MACC1: variants seen among roughly 807,000 people sequenced by gnomAD.
MACC1 encodes the protein metastasis-associated in colon cancer protein 1.
In MACC1, 79 loss-of-function variants were observed where a neutral mutation model predicts 70.7. The observed-to-expected ratio is 1.12, with a 90% CI of 0.93 to 1.35. MACC1 has a LOEUF of 1.35. MACC1 is among the 40% of genes most tolerant of loss of function. The pLI is 0.00. For missense variants in MACC1, 1,106 were observed against 978.1 expected (o/e 1.13, Z -1.74); for synonymous variants, 361 against 347.2 (o/e 1.04, Z -0.44).
chr7:20,179,682 T>TC (rs1782469735), intron 1 of MACC1, among the ~76,000 whole-genome samples: 1 of 151,812 alleles, frequency 6.6e-6, no homozygotes, highest in Non-Finnish European at 1.5e-5. Flanking sequence ...GTTGTTGTTT[T>TC]TTTTGTTTTT....
intron 1 of MACC1, among the ~76,000 whole-genome samples, chr7:20,179,816 A>G (rs374474751): frequency 4.3e-4 from 66 of 152,332 alleles, no homozygotes; most frequent in African/African-American, 1.3e-3. Context: ...TTAAGACTCA[A>G]TCTACTTACT....
chr7:20,172,729 G>A (rs538375791), intron 1 of MACC1, among the ~76,000 whole-genome samples: 53 of 152,174 alleles, frequency 3.5e-4, no homozygotes, highest in African/African-American at 9.9e-4. Context: ...TCACTTAACC[G>A]CCCAAAGTGA....
At position 20,157,282 on chromosome 7, in the gene MACC1, T is replaced by C. The variant is rs114022842; in HGVS notation, c.2157+922A>G. Among the ~76,000 whole-genome samples the C allele has an allele frequency of 7.6e-3, 1,163 of 152,220 alleles. 14 individuals are homozygous for C. Among genetic ancestry groups the C allele is most frequent in the African/African-American group, 0.027 (1,113 of 41,532 alleles). ...CTTGATTTTTTTTATTTTTATAAAATATTGAATTTCTACTTTAAAGGTAAA... is the reference window on the plus strand; with the variant it reads ...CTTGATTTTTTTTATTTTTATAAAACATTGAATTTCTACTTTAAAGGTAAA... On this transcript the variant is annotated intron_variant, in intron 5 of 6. Coordinates refer to ENST00000400331, the MANE Select transcript of MACC1 (RefSeq NM_182762.4).
chr7:20,198,868 A>G (rs745916625), intron 1 of MACC1, among the ~76,000 whole-genome samples: 6 of 152,248 alleles, frequency 3.9e-5, no homozygotes, highest in East Asian at 1.9e-4. Context: ...TGAAGACTCA[A>G]TGAAAAAGAG....
Position 20,145,543 on chromosome 7 carries a change from G to GA in MACC1, c.2347-4386dup, listed in dbSNP as rs202145729. ...GTAGAAAATAGAGGTATTTTAAAAA[G>GA]AAAAAAAATTTTTAAAGTAATATTC... On this transcript the variant is annotated intron_variant, in intron 6 of 6. Coordinates refer to ENST00000400331, the MANE Select transcript of MACC1 (RefSeq NM_182762.4). Among the ~76,000 whole-genome samples the GA allele has an allele frequency of 5.1e-3, 779 of 151,590 alleles. 11 individuals carry two copies. Among genetic ancestry groups the GA allele is most frequent in the African/African-American group, 0.017 (712 of 41,352 alleles).
rs534993344 is a variant in MACC1 at position 20,151,700 on chromosome 7, A to T, written c.2346+2493T>A. On this transcript the variant is annotated intron_variant, in intron 6 of 6. Transcript: ENST00000400331. Reference sequence around the variant, plus strand: ...AGAAAATCTGACAAATTTATTATTAATATACTTCATTTTTTAACCAGCTTG... The same window carrying T: ...AGAAAATCTGACAAATTTATTATTATTATACTTCATTTTTTAACCAGCTTG... 7.2e-5 allele frequency among the ~76,000 whole-genome samples: 11 copies of T among 152,340 alleles called. 1 individual carries two copies. The East Asian group carries it at 2.1e-3, about 29-fold the overall frequency.
intron 6 of MACC1, chr7:20,147,303 C>T (rs977437352): frequency 4.6e-5 from 7 of 152,076 alleles, no homozygotes; most frequent in Non-Finnish European, 1.0e-4. Flanking sequence ...CACTGTATGT[C>T]TTTTTTTAGC....
chr7:20,186,014 T>C lies in MACC1; in HGVS notation c.-217-15236A>G, dbSNP rs1782582803. Among the ~76,000 whole-genome samples the C allele has an allele frequency of 4.7e-5, 7 of 150,242 alleles. No individual in the cohort carries two copies. In the South Asian group the frequency reaches 1.3e-3, roughly 28 times the overall value. The stretch of plus-strand genomic sequence containing the variant: ...TACACACAAAGTCGCATATGGCGAA[T>C]GTCCTTGGACCCTAATGTAGAAAGC... On this transcript the variant is annotated intron_variant, in intron 1 of 6. Coordinates refer to ENST00000400331, the MANE Select transcript of MACC1 (RefSeq NM_182762.4).
At chr7:20,167,280 C>T (rs781567795) in intron 2 of MACC1, among the ~76,000 whole-genome samples, 1 of 151,876 alleles carries the variant, frequency 6.6e-6, no homozygotes, top group Non-Finnish European at 1.5e-5. Context: ...ACTGCAACCT[C>T]CACCTCCCGG....
chr7:20,143,251 G>A (rs1216182780), intron 6 of MACC1, among the ~76,000 whole-genome samples: 1 of 152,190 alleles, frequency 6.6e-6, no homozygotes, highest in Non-Finnish European at 1.5e-5. Flanking sequence ...TGCTGTTGAG[G>A]GCAGGAAATA....
intron 1 of MACC1, among the ~76,000 whole-genome samples, chr7:20,179,685 T>TC: frequency 6.6e-6 from 1 of 151,772 alleles, no homozygotes; most frequent in Admixed American, 6.6e-5. Flanking sequence ...GTTGTTTTTT[T>TC]TGTTTTTTGT....
At chr7:20,173,930 T>G (rs956329185) in intron 1 of MACC1, among the ~76,000 whole-genome samples, 1 of 152,208 alleles carries the variant, frequency 6.6e-6, no homozygotes, top group African/African-American at 2.4e-5. Flanking sequence ...CGTGGACAAC[T>G]GCTTCCTTTG....
rs139016852 is a variant in MACC1 at position 20,211,108 on chromosome 7, T to C, written c.-218+6191A>G. Among the ~76,000 whole-genome samples the C allele has an allele frequency of 2.2e-4, 33 of 152,270 alleles. 1 individual carries two copies. The highest frequency in any genetic ancestry group is 7.5e-4 in the African/African-American group (31 of 41,560). ...AGTTAAGGACTGTAATAATTTGATGTCTCTCTTCTCAGTTTGCTCCCATCT... is the reference window on the plus strand; with the variant it reads ...AGTTAAGGACTGTAATAATTTGATGCCTCTCTTCTCAGTTTGCTCCCATCT... On this transcript the variant is annotated intron_variant, in intron 1 of 6. Transcript: ENST00000400331.
chr7:20,173,319 G>C (rs1026417052), intron 1 of MACC1, among the ~76,000 whole-genome samples: 3 of 152,186 alleles, frequency 2.0e-5, no homozygotes, highest in African/African-American at 7.2e-5. Flanking sequence ...TCGGGACTAT[G>C]TGCTAGACAT....
chr7:20,186,697 T>C (rs1782593468), intron 1 of MACC1, among the ~76,000 whole-genome samples: 1 of 152,050 alleles, frequency 6.6e-6, no homozygotes, highest in Non-Finnish European at 1.5e-5. Flanking sequence ...TTATAAAAGA[T>C]TCCTTAGGGA....
intron 1 of MACC1, among the ~76,000 whole-genome samples, chr7:20,187,238 TA>T (rs1396695554): frequency 6.6e-6 from 1 of 152,164 alleles, no homozygotes; most frequent in East Asian, 1.9e-4. Context: ...TTATTTTACA[TA>T]GAGAGGACAA....
chr7:20,169,779 G>A (rs372668817), intron 2 of MACC1, among the ~76,000 whole-genome samples: 20 of 152,106 alleles, frequency 1.3e-4, no homozygotes, highest in African/African-American at 4.8e-4. Context: ...AACTAAAATA[G>A]GTAATAATTA....
chr7:20,196,282 G>T (rs537128479), intron 1 of MACC1, among the ~76,000 whole-genome samples: 1 of 152,174 alleles, frequency 6.6e-6, no homozygotes, highest in South Asian at 2.1e-4. Flanking sequence ...CTGGGTTCAC[G>T]CCATTCTCCT....
chr7:20,203,214 C>T (rs577352277), intron 1 of MACC1, among the ~76,000 whole-genome samples: 2 of 152,294 alleles, frequency 1.3e-5, no homozygotes, highest in African/African-American at 2.4e-5. Flanking sequence ...TCTCCTAGGG[C>T]AAGACTGATC....
Sources: allele counts gnomAD v4.1 joint callset (sites outside exome capture counted in the v4.1 genomes callset), GRCh38; gene constraint gnomAD v4.1.1; transcripts MANE v1.5; gene names NCBI Gene and HGNC (gene_info 2026-07-23, HGNC 2026-07-21).